Variants in GSTCD observed in about 807,000 individuals in gnomAD.
GSTCD encodes the protein glutathione S-transferase C-terminal domain-containing protein.
In GSTCD, 44 loss-of-function variants were observed where a neutral mutation model predicts 68.3. The observed-to-expected ratio is 0.64, with a 90% CI of 0.51 to 0.83. The LOEUF (loss-of-function observed/expected upper bound fraction) is 0.83, where lower values mean the gene tolerates loss of function less well. GSTCD is among the 40% of genes least tolerant of loss of function. The pLI is 0.00. For synonymous variants in GSTCD, 273 were observed against 255.2 expected (o/e 1.07, Z -0.67); for missense variants, 739 against 735.9 (o/e 1.00, Z -0.05).
chr4:105,798,383 A>G (rs929610112), intron 5 of GSTCD, among the ~76,000 whole-genome samples: 4 of 151,922 alleles, frequency 2.6e-5, no homozygotes, highest in African/African-American at 9.7e-5. Flanking sequence ...TGAATTATGA[A>G]TGTTCTGAAC....
At chr4:105,731,971 T>G (rs2149214031) in intron 5 of GSTCD, among the ~76,000 whole-genome samples, 1 of 152,336 alleles carries the variant, frequency 6.6e-6, no homozygotes, top group South Asian at 2.1e-4. Context: ...TTGTCTTTGG[T>G]TCTGTTTATA....
chr4:105,709,250 C>T (rs1350116934), intron 1 of GSTCD: 1 of 152,200 alleles, frequency 6.6e-6, no homozygotes, highest in Non-Finnish European at 1.5e-5. Flanking sequence ...ACGCGTTTCC[C>T]AGTTTCCCCC....
chr4:105,816,066 C>T (rs918680822), intron 5 of GSTCD, among the ~76,000 whole-genome samples: 9 of 151,994 alleles, frequency 5.9e-5, no homozygotes, highest in Non-Finnish European at 1.2e-4. Context: ...CCATTATTCA[C>T]TGTATGTAAG....
chr4:105,837,481 TGG>T (rs1360356950), intron 9 of GSTCD, among the ~76,000 whole-genome samples: 1 of 152,110 alleles, frequency 6.6e-6, no homozygotes, highest in Non-Finnish European at 1.5e-5. Flanking sequence ...CCCCTCTTCT[TGG>T]GGAACTGTGA....
At chr4:105,844,127 A>C (rs747447920) in intron 11 of GSTCD, among the ~76,000 whole-genome samples, 7 of 152,192 alleles carry the variant, frequency 4.6e-5, no homozygotes, top group Non-Finnish European at 1.5e-5. Flanking sequence ...ATCAAAGCCA[A>C]GGGTAGATGA....
At chr4:105,788,403 T>C (rs1437305553) in intron 5 of GSTCD, among the ~76,000 whole-genome samples, 1 of 152,084 alleles carries the variant, frequency 6.6e-6, no homozygotes, top group African/African-American at 2.4e-5. Flanking sequence ...CTCACTCTTG[T>C]ACTGTTTATT....
At chr4:105,733,536 C>A (rs2149215356) in intron 5 of GSTCD, among the ~76,000 whole-genome samples, 1 of 152,220 alleles carries the variant, frequency 6.6e-6, no homozygotes, top group East Asian at 1.9e-4. Flanking sequence ...TTTCTGTTTG[C>A]TTGGTAGATC....
At chr4:105,823,354 T>C in intron 7 of GSTCD, 79 bp downstream of exon 7, 2 of 1,235,624 alleles carry the variant, frequency 1.6e-6, no homozygotes, top group Admixed American at 3.4e-5. Flanking sequence ...TATCCCGCTC[T>C]TGGAGTTTCT....
intron 3 of GSTCD, 68 bp downstream of exon 3, chr4:105,719,595 TTC>T (rs1732799292): frequency 8.5e-7 from 1 of 1,170,066 alleles, no homozygotes; most frequent in South Asian, 1.4e-5. Context: ...AGGTTTGAAT[TTC>T]TGTTTTACTT....
intron 1 of GSTCD, among the ~76,000 whole-genome samples, chr4:105,716,428 A>G (rs930796885): frequency 1.2e-4 from 19 of 152,108 alleles, no homozygotes; most frequent in Admixed American, 4.6e-4. Flanking sequence ...AGGGTCCCCA[A>G]CCCCTGGGCC....
intron 5 of GSTCD, among the ~76,000 whole-genome samples, chr4:105,779,381 T>A (rs1735193650): frequency 6.6e-6 from 1 of 152,200 alleles, no homozygotes; most frequent in South Asian, 2.1e-4. Context: ...GTGCATCATG[T>A]CAGGAGGACA....
intron 5 of GSTCD, among the ~76,000 whole-genome samples, chr4:105,757,416 C>G (rs1051541008): frequency 6.6e-5 from 10 of 152,134 alleles, no homozygotes; most frequent in African/African-American, 2.4e-4. Context: ...CCAATTATAT[C>G]AAGTAATTTT....
intron 5 of GSTCD, among the ~76,000 whole-genome samples, chr4:105,736,734 G>A (rs1733476000): frequency 6.6e-6 from 1 of 151,914 alleles, no homozygotes; most frequent in African/African-American, 2.4e-5. Context: ...CCAACTTCTG[G>A]CTATACACCC....
intron 8 of GSTCD, 27 bp from the exon 9 acceptor site, chr4:105,834,434 G>A (rs745775041): frequency 6.2e-7 from 1 of 1,609,100 alleles, no homozygotes; most frequent in East Asian, 2.2e-5. Context: ...AGGGAACTTA[G>A]TGCTAAGGCC....
intron 5 of GSTCD, among the ~76,000 whole-genome samples, chr4:105,758,337 C>T (rs1734272172): frequency 6.6e-6 from 1 of 152,014 alleles, no homozygotes; most frequent in Admixed American, 6.6e-5. Context: ...AATTGTAATC[C>T]CCAGTGCTGG....
At chr4:105,794,182 C>CT (rs1735782869) in intron 5 of GSTCD, among the ~76,000 whole-genome samples, 1 of 151,978 alleles carries the variant, frequency 6.6e-6, no homozygotes, top group South Asian at 2.1e-4. Flanking sequence ...AAAAGCACAT[C>CT]TTAACTGTAT....
chr4:105,820,131 AT>A (rs555434691), intron 5 of GSTCD, among the ~76,000 whole-genome samples: 111 of 147,960 alleles, frequency 7.5e-4, no homozygotes, highest in South Asian at 4.7e-3. Context: ...TTTTCCAGTG[AT>A]TTTTTTTTTT....
chr4:105,712,451 A>T (rs1461508454), intron 1 of GSTCD: 1 of 152,228 alleles, frequency 6.6e-6, no homozygotes, highest in South Asian at 2.1e-4. Context: ...TCAGAAAGGG[A>T]TAGCTAGGGT....
At chr4:105,744,165 G>A (rs1733728539) in intron 5 of GSTCD, among the ~76,000 whole-genome samples, 1 of 152,104 alleles carries the variant, frequency 6.6e-6, no homozygotes, top group Non-Finnish European at 1.5e-5. Flanking sequence ...TCTCAATTTG[G>A]ATTTGTCTGA....
Sources: allele counts gnomAD v4.1 joint callset (sites outside exome capture counted in the v4.1 genomes callset), GRCh38; gene constraint gnomAD v4.1.1; transcripts MANE v1.5; gene names NCBI Gene and HGNC (gene_info 2026-07-23, HGNC 2026-07-21).